The following SLC24A1 variants were observed in gnomAD, a reference collection of about 807,000 sequenced individuals.
SLC24A1 encodes sodium/potassium/calcium exchanger 1.
A neutral mutation model predicts 88.1 loss-of-function variants in SLC24A1; 52 were observed. The ratio of observed to expected loss-of-function variants is 0.59; its 90% CI spans 0.47 to 0.74. SLC24A1 has a LOEUF of 0.74. Among genes scored for constraint, SLC24A1 ranks in the 30% least tolerant of loss-of-function variants. SLC24A1 has a pLI of 0.00. For missense variants in SLC24A1, 1,173 were observed against 1,363.3 expected (o/e 0.86, Z 2.20); for synonymous variants, 455 against 498.0 (o/e 0.91, Z 1.15).
At chr15:65,659,480 C>G (rs546400374), downstream of SLC24A1, 6 of 151,536 alleles carry the variant, frequency 4.0e-5, no homozygotes, top group African/African-American at 1.5e-4. Context: ...GATTACCAAG[C>G]ATGAGCCACC....
At chr15:65,639,848 C>T in intron 4 of SLC24A1, 145 bp downstream of exon 4, 1 of 686,760 alleles carries the variant, frequency 1.5e-6, no homozygotes, top group Non-Finnish European at 2.6e-6. Flanking sequence ...TAGTAAAAGT[C>T]AGACAGTCTG....
At position 65,624,138 on chromosome 15, in the gene SLC24A1, C is replaced by A; in HGVS notation, c.58C>A (p.Leu20Ile). The A allele has an allele frequency of 1.2e-6, 2 of 1,613,300 alleles. No individual in the cohort carries two copies. Among genetic ancestry groups the A allele is most frequent in the Non-Finnish European group, 1.7e-6 (2 of 1,179,648 alleles). Residue 20 changes from leucine to isoleucine, a missense_variant, in exon 2 of 10, where the codon CTT (leucine) becomes ATT (isoleucine). By Grantham distance (5) the Leu-to-Ile change is conservative. Transcript: ENST00000261892. ...QERWLLRTKR[L>I]HWSRLLFLLG... Reference sequence around the variant, plus strand: ...GAGGTGGTTACTCCGGACAAAGCGGCTTCATTGGAGTCGCCTCCTCTTCTT... The same window carrying A: ...GAGGTGGTTACTCCGGACAAAGCGGATTCATTGGAGTCGCCTCCTCTTCTT...
At chr15:65,656,797 A>G (rs767895346), downstream of SLC24A1, among the ~76,000 whole-genome samples, 1 of 152,232 alleles carries the variant, frequency 6.6e-6, no homozygotes, top group Admixed American at 6.5e-5. Flanking sequence ...TTAATGGGTT[A>G]AGAGTCTATA....
downstream of SLC24A1, chr15:65,660,354 C>T: frequency 6.6e-7 from 1 of 1,507,392 alleles, no homozygotes; most frequent in Non-Finnish European, 8.9e-7. Flanking sequence ...TTTTCTGCAG[C>T]TGAACTGATT....
Position 65,655,698 on chromosome 15 carries a change from TG to T in SLC24A1, c.*1620del. On this transcript the variant is annotated 3_prime_UTR_variant, in exon 10 of 10. Coordinates refer to ENST00000261892, the MANE Select transcript of SLC24A1 (RefSeq NM_004727.3). ...ATGAAAAGATAGGACGGATGTGATA[TG>T]AAAAAAACCCAAACATTTTGGCATT... 1.0e-6 allele frequency: 1 copy of T among 985,384 alleles called. No individual in the cohort carries two copies. The highest frequency in any genetic ancestry group is 1.2e-6 in the Non-Finnish European group (1 of 829,896). 61.0% of individuals were successfully genotyped at this position (985,384 alleles called of 1,614,324 possible). A position where few individuals can be genotyped will look rare whatever the true frequency, so the allele number is the denominator to read the frequency against.
At chr15:65,638,242 G>A in intron 3 of SLC24A1, 61 bp downstream of exon 3, 1 of 1,182,204 alleles carries the variant, frequency 8.5e-7, no homozygotes, top group East Asian at 2.5e-5. Context: ...GATGATCACA[G>A]GCCCAGGGTA....
chr15:65,620,182 G>A (rs1050805597), upstream of SLC24A1, among the ~76,000 whole-genome samples: 23 of 151,918 alleles, frequency 1.5e-4, no homozygotes, highest in African/African-American at 5.1e-4. Flanking sequence ...TGGGGATTCA[G>A]TGGTGAATAA....
chr15:65,642,900 C>T (rs2075176927), intron 4 of SLC24A1: 1 of 846,666 alleles, frequency 1.2e-6, no homozygotes, highest in Non-Finnish European at 1.7e-6. Flanking sequence ...TCCAGCTTCT[C>T]CGTTTCCTCT....
chr15:65,643,894 C>T (rs1342226884), intron 4 of SLC24A1: 1 of 154,786 alleles, frequency 6.5e-6, no homozygotes, highest in Non-Finnish European at 1.4e-5. Context: ...AGCCGTCCCC[C>T]TGGAGCTATA....
At chr15:65,626,030 C>G (rs913562595) in intron 2 of SLC24A1, 60 bp downstream of exon 2, 8 of 1,262,912 alleles carry the variant, frequency 6.3e-6, no homozygotes, top group Middle Eastern at 2.3e-4. Context: ...TGTGGCGAAG[C>G]CAGGACCTGA....
chr15:65,639,582 T>A lies in SLC24A1; in HGVS notation c.1945-13T>A, dbSNP rs370308320. 1.8e-5 allele frequency: 27 copies of A among 1,542,320 alleles called. No homozygotes were observed. The African/African-American group carries it at 3.1e-4, about 18-fold the overall frequency. On this transcript the variant is annotated splice_polypyrimidine_tract_variant and intron_variant, in intron 3 of 9. Transcript: ENST00000261892. ...TGGACAGGGGCCCACTGTGCGGCTC[T>A]CCTCTTGCTCAGCTCCCGTCCTTGC...
intron 4 of SLC24A1, among the ~76,000 whole-genome samples, 198 bp downstream of exon 4, chr15:65,639,901 G>A (rs1391846311): frequency 6.6e-6 from 1 of 152,120 alleles, no homozygotes; most frequent in Non-Finnish European, 1.5e-5. Flanking sequence ...ACCAAGAGAG[G>A]GCAACAAAGA....
chr15:65,654,091 T>G lies in SLC24A1; in HGVS notation c.*12T>G. 1 of 1,608,876 alleles carries G rather than the reference T, an allele frequency of 6.2e-7. No homozygotes were observed. The highest frequency in any genetic ancestry group is 8.5e-7 in the Non-Finnish European group (1 of 1,176,252). The stretch of plus-strand genomic sequence containing the variant: ...CTGTATCTGTCTGAATCAGTCACTC[T>G]TGCTCACAATGGGCATGGATCAGAA... On this transcript the variant is annotated 3_prime_UTR_variant, in exon 10 of 10. Transcript: ENST00000261892.
At chr15:65,658,178 G>A (rs575659697), downstream of SLC24A1, 1 of 152,152 alleles carries the variant, frequency 6.6e-6, no homozygotes, top group Admixed American at 6.5e-5. Flanking sequence ...AGAAATATAA[G>A]CCAGCCAATA....
intron 4 of SLC24A1, among the ~76,000 whole-genome samples, chr15:65,640,964 G>C (rs1052039351): frequency 5.3e-5 from 8 of 152,208 alleles, no homozygotes; most frequent in African/African-American, 1.9e-4. Context: ...GGGAGGCTGA[G>C]ACGGGAGAGT....
rs1366133936 is a variant in SLC24A1, at chr15:65,623,991, A to G, written c.-90A>G. On this transcript the variant is annotated 5_prime_UTR_variant, in exon 2 of 10. Coordinates refer to ENST00000261892, the MANE Select transcript of SLC24A1 (RefSeq NM_004727.3). Reference sequence around the variant, plus strand: ...CCCCCTGGCTGGGCTTCATGGAGAAATCTTCTCTGATCACCAACCTGAATC... The same window carrying G: ...CCCCCTGGCTGGGCTTCATGGAGAAGTCTTCTCTGATCACCAACCTGAATC... 1.4e-5 allele frequency: 18 copies of G among 1,243,748 alleles called. No homozygotes were observed. The highest frequency in any genetic ancestry group is 2.0e-5 in the Non-Finnish European group (18 of 890,648). 77.0% of individuals were successfully genotyped at this position (1,243,748 alleles called of 1,614,324 possible). A position where few individuals can be genotyped will look rare whatever the true frequency, so the allele number is the denominator to read the frequency against.
In SLC24A1 at chr15:65,650,974, T is replaced by C. The variant is rs933215417; in HGVS notation, c.2793+32T>C. On this transcript the variant is annotated intron_variant, in intron 7 of 9. Transcript: ENST00000261892. This position sits in a 1 kb window ranked among gnomAD's most constrained non-coding sequence, Gnocchi z 4.1. Reference sequence around the variant, plus strand: ...GTGCCCATCTGTATCTCAGACTCTTTATCCCCAGCAGGGCTGTGGGGTCTC... The same window carrying C: ...GTGCCCATCTGTATCTCAGACTCTTCATCCCCAGCAGGGCTGTGGGGTCTC... 7.5e-6 allele frequency: 12 copies of C among 1,591,850 alleles called. No homozygotes were observed. The highest frequency in any genetic ancestry group is 1.0e-5 in the Non-Finnish European group (12 of 1,159,980).
chr15:65,634,740 C>CAAAAAAAAAAAAAAAAAAA (rs5813364), intron 2 of SLC24A1, among the ~76,000 whole-genome samples: 48 of 90,480 alleles, frequency 5.3e-4, no homozygotes, highest in African/African-American at 6.2e-4. Flanking sequence ...TCAAAAGCAC[C>CAAAAAAAAAAAAAAAAAAA]AAAAAAAAAA....
downstream of SLC24A1, among the ~76,000 whole-genome samples, chr15:65,657,384 A>G (rs4993808): frequency 0.21 from 32,265 of 151,858 alleles, 4,031 homozygotes; most frequent in African/African-American, 0.35. Context: ...GCTCATGCCT[A>G]TAATCCCAGC....
Sources: allele counts gnomAD v4.1 joint callset (sites outside exome capture counted in the v4.1 genomes callset), GRCh38; gene constraint gnomAD v4.1.1; non-coding constraint Gnocchi (gnomAD v3.1); transcripts MANE v1.5; gene names NCBI Gene and HGNC (gene_info 2026-07-23, HGNC 2026-07-21).